Variants in KCNIP1 observed in about 807,000 individuals in gnomAD.
The protein encoded by KCNIP1 is A-type potassium channel modulatory protein KCNIP1.
A neutral mutation model predicts 33.0 loss-of-function variants in KCNIP1; 18 were observed. That is an observed-to-expected ratio of 0.55 (90% CI 0.38 to 0.81). The LOEUF (loss-of-function observed/expected upper bound fraction) is 0.81, where lower values mean the gene tolerates loss of function less well. KCNIP1 is among the 30% of genes least tolerant of loss of function. KCNIP1 has a pLI of 0.00. For missense variants in KCNIP1, 238 were observed against 271.6 expected, an observed-to-expected ratio of 0.88 and a Z score of 0.87; for synonymous variants, 93 against 98.3, an observed-to-expected ratio of 0.95 and a Z score of 0.32.
chr5:170,474,578 A>G (rs747133904), intron 1 of KCNIP1, among the ~76,000 whole-genome samples: 8 of 152,164 alleles, frequency 5.3e-5, no homozygotes, highest in Non-Finnish European at 1.2e-4. Flanking sequence ...CAGGCCCCAG[A>G]CCTTAAGCTT....
At chr5:170,612,379 T>C (rs1553538) in intron 1 of KCNIP1, among the ~76,000 whole-genome samples, 9,874 of 152,294 alleles carry the variant, frequency 0.065, 436 homozygotes, top group East Asian at 0.099. Context: ...TAAGTGCAAT[T>C]AGCGTAACTA....
intron 1 of KCNIP1, among the ~76,000 whole-genome samples, chr5:170,572,211 C>T (rs1200947881): frequency 1.3e-5 from 2 of 152,176 alleles, no homozygotes; most frequent in Non-Finnish European, 2.9e-5. Context: ...TGCGTAATGT[C>T]CCAATTTTTA....
chr5:170,390,517 A>AATATATATATATATAT lies in KCNIP1; in HGVS notation c.88+36560_88+36575dup, dbSNP rs1554088940. Reference sequence around the variant, plus strand: ...GACCCCGTCTCAAAAAAAAAAAACAAATATATATATATATATATATATTTT... The same window carrying AATATATATATATATAT: ...GACCCCGTCTCAAAAAAAAAAAACAAATATATATATATATATATATATATATATATATATATATTTT... On this transcript the variant is annotated intron_variant, in intron 1 of 7. Transcript: ENST00000377360. Among the ~76,000 whole-genome samples, 56 of 74,506 alleles carry AATATATATATATATAT rather than the reference A, an allele frequency of 7.5e-4. 4 individuals are homozygous for AATATATATATATATAT. Among genetic ancestry groups the AATATATATATATATAT allele is most frequent in the South Asian group, 4.4e-3 (10 of 2,264 alleles). The allele number at this position is 74,506 out of a possible 152,430, so 48.9% of individuals were successfully genotyped here. A position where few individuals can be genotyped will look rare whatever the true frequency, so the allele number is the denominator to read the frequency against.
chr5:170,649,908 C>T (rs532829388), intron 1 of KCNIP1, among the ~76,000 whole-genome samples: 90 of 152,188 alleles, frequency 5.9e-4, no homozygotes, highest in African/African-American at 2.0e-3. Flanking sequence ...CAGAGAGGCT[C>T]GGTTGTTCTT....
chr5:170,355,696 G>A (rs1763328455), intron 1 of KCNIP1, among the ~76,000 whole-genome samples: 1 of 152,222 alleles, frequency 6.6e-6, no homozygotes, highest in African/African-American at 2.4e-5. Flanking sequence ...CTGCCAGAGG[G>A]AGCAACATCA....
intron 1 of KCNIP1, among the ~76,000 whole-genome samples, chr5:170,530,170 C>T (rs964363232): frequency 2.0e-5 from 3 of 151,982 alleles, no homozygotes; most frequent in African/African-American, 7.3e-5. Flanking sequence ...AGTAGGTGCT[C>T]ATGGCTCATA....
chr5:170,405,298 G>A (rs565843412), intron 1 of KCNIP1, among the ~76,000 whole-genome samples: 1 of 151,986 alleles, frequency 6.6e-6, no homozygotes. Flanking sequence ...GGTATCAAGC[G>A]ATTCTCCTAC....
intron 1 of KCNIP1, among the ~76,000 whole-genome samples, chr5:170,445,152 G>A (rs1004006603): frequency 6.6e-6 from 1 of 152,200 alleles, no homozygotes; most frequent in African/African-American, 2.4e-5. Context: ...GTCACTGCAG[G>A]CGGGAACTTT....
chr5:170,708,153 C>T (rs102684), intron 1 of KCNIP1, among the ~76,000 whole-genome samples: 34,305 of 151,948 alleles, frequency 0.23, 3,984 homozygotes, highest in South Asian at 0.31. Context: ...TGGGACTTTC[C>T]GTCCCATCCC....
chr5:170,474,884 C>T (rs975932807), intron 1 of KCNIP1, among the ~76,000 whole-genome samples: 2 of 152,144 alleles, frequency 1.3e-5, no homozygotes, highest in South Asian at 4.1e-4. Context: ...CAGAACAAAC[C>T]CCCCACCGCG....
chr5:170,632,458 G>A (rs1053275436), intron 1 of KCNIP1, among the ~76,000 whole-genome samples: 1 of 152,218 alleles, frequency 6.6e-6, no homozygotes, highest in African/African-American at 2.4e-5. Context: ...TTTGGCAGGG[G>A]CTGCAGAGCA....
chr5:170,440,371 C>T (rs1295426723), intron 1 of KCNIP1, among the ~76,000 whole-genome samples: 3 of 152,206 alleles, frequency 2.0e-5, no homozygotes, highest in Non-Finnish European at 4.4e-5. Context: ...AAATACACAG[C>T]GGGGGTCCCA....
chr5:170,616,169 C>A (rs1875978), intron 1 of KCNIP1, among the ~76,000 whole-genome samples: 96,460 of 152,068 alleles, frequency 0.63, 31,094 homozygotes, highest in African/African-American at 0.73. Context: ...TGAGCCTCCC[C>A]AAAAATTGAG....
At chr5:170,503,773 C>T (rs1410354221), upstream of KCNIP1, among the ~76,000 whole-genome samples, 2 of 150,486 alleles carry the variant, frequency 1.3e-5, no homozygotes, top group Non-Finnish European at 3.0e-5. Flanking sequence ...CATACACACA[C>T]ACAGTCTCCC....
At chr5:170,459,357 T>C (rs968528753) in intron 1 of KCNIP1, among the ~76,000 whole-genome samples, 2 of 152,162 alleles carry the variant, frequency 1.3e-5, no homozygotes, top group Non-Finnish European at 2.9e-5. Flanking sequence ...CAGATATTTA[T>C]AGAACATTCT....
chr5:170,686,521 T>C (rs1762540976), intron 1 of KCNIP1, among the ~76,000 whole-genome samples: 1 of 152,180 alleles, frequency 6.6e-6, no homozygotes. Flanking sequence ...AAATTGCCAA[T>C]TGTTTTTTGT....
At chr5:170,409,800 C>G (rs1755133884) in intron 1 of KCNIP1, among the ~76,000 whole-genome samples, 1 of 152,180 alleles carries the variant, frequency 6.6e-6, no homozygotes, top group African/African-American at 2.4e-5. Flanking sequence ...GTTACATACC[C>G]TCAGTGTGCC....
At chr5:170,546,214 TC>T (rs1439682390) in intron 1 of KCNIP1, among the ~76,000 whole-genome samples, 1 of 152,238 alleles carries the variant, frequency 6.6e-6, no homozygotes, top group East Asian at 1.9e-4. Flanking sequence ...TTTGAGCTTT[TC>T]TGGCTATCTT....
At chr5:170,568,694 G>T (rs1757290958) in intron 1 of KCNIP1, among the ~76,000 whole-genome samples, 1 of 142,804 alleles carries the variant, frequency 7.0e-6, no homozygotes, top group Non-Finnish European at 1.5e-5. Flanking sequence ...ATGGTGGCGG[G>T]CACCTGTAAT....
Sources: gnomAD v4.1 joint callset for allele counts (sites outside exome capture counted in the v4.1 genomes callset) on GRCh38, gnomAD v4.1.1 for gene constraint, MANE v1.5 for transcripts, NCBI Gene and HGNC (gene_info 2026-07-23, HGNC 2026-07-21) for gene names.